ADGRG4: variants seen among roughly 807,000 people sequenced by gnomAD.
ADGRG4 encodes the protein G protein-coupled receptor 112.
In ADGRG4, 122 loss-of-function variants were observed where a neutral mutation model predicts 126.2. The observed-to-expected ratio is 0.97, with a 90% CI of 0.83 to 1.12. The LOEUF (loss-of-function observed/expected upper bound fraction) is 1.12, where lower values mean the gene tolerates loss of function less well. Ranked by LOEUF, ADGRG4 falls within the 50% of genes most tolerant of loss-of-function variation. The pLI, the probability that ADGRG4 is intolerant of heterozygous loss-of-function variation, is 0.00. For synonymous variants in ADGRG4, 943 were observed against 838.7 expected (o/e 1.12, Z -2.15); for missense variants, 2,481 against 2,251.8 (o/e 1.10, Z -2.06).
At chrX:136,416,335 T>G in intron 25 of ADGRG4, 119 bp from the exon 26 acceptor site, 1 of 526,046 alleles carries the variant, frequency 1.9e-6, no homozygotes, top group Non-Finnish European at 3.2e-6. Flanking sequence ...CACCATATCC[T>G]TCCCTTCTCT....
chrX:136,415,704 T>C (rs1439436824), intron 25 of ADGRG4, among the ~76,000 whole-genome samples: 1 of 111,714 alleles, frequency 9.0e-6, no homozygotes, highest in African/African-American at 3.3e-5. Context: ...TAGTAGATAA[T>C]AGTTGGGGCT....
chrX:136,316,961 A>G (rs1317994613), intron 4 of ADGRG4, among the ~76,000 whole-genome samples: 1 of 111,005 alleles, frequency 9.0e-6, no homozygotes, highest in Admixed American at 9.6e-5. Context: ...ACAGCACTCC[A>G]TCTGCCCACC....
At chrX:136,407,749 G>C (rs1355798946) in intron 23 of ADGRG4, among the ~76,000 whole-genome samples, 1 of 111,743 alleles carries the variant, frequency 8.9e-6, no homozygotes, top group East Asian at 2.8e-4. Context: ...TACCATCCTC[G>C]CTTGGTTCCC....
chrX:136,351,036 A>G (rs1469769911), intron 6 of ADGRG4, among the ~76,000 whole-genome samples: 1 of 111,736 alleles, frequency 8.9e-6, no homozygotes, highest in Non-Finnish European at 1.9e-5. Flanking sequence ...AGCAAAAGGG[A>G]AAAAAGGAGA....
chrX:136,382,554 AC>A (rs2075269693), intron 15 of ADGRG4, among the ~76,000 whole-genome samples: 1 of 111,240 alleles, frequency 9.0e-6, no homozygotes, highest in African/African-American at 3.3e-5. Flanking sequence ...TGGTGGAGTG[AC>A]CCAAGCCTTC....
At chrX:136,324,966 C>T (rs756594582) in intron 5 of ADGRG4, among the ~76,000 whole-genome samples, 2 of 112,004 alleles carry the variant, frequency 1.8e-5, no homozygotes, top group African/African-American at 6.5e-5. Context: ...CTTGGAATTA[C>T]ACCTGTATTT....
chrX:136,394,047 G>A (rs2075333932), intron 18 of ADGRG4, among the ~76,000 whole-genome samples: 1 of 111,578 alleles, frequency 9.0e-6, no homozygotes, highest in South Asian at 3.8e-4. Context: ...CTCCCACAGG[G>A]TTTTGCAAGA....
intron 23 of ADGRG4, among the ~76,000 whole-genome samples, 157 bp from the exon 24 acceptor site, chrX:136,412,108 T>C (rs2075449167): frequency 8.9e-6 from 1 of 112,410 alleles, no homozygotes. Flanking sequence ...TTTTTGCCTT[T>C]GGGAGGGAGT....
Position 136,331,651 on chromosome X carries a change from T to A in ADGRG4, c.685+8259T>A, listed in dbSNP as rs142016938. Among the ~76,000 whole-genome samples, 50 of 111,627 alleles carry A rather than the reference T, an allele frequency of 4.5e-4. No homozygotes were observed. The East Asian group carries it at 0.013, about 30-fold the overall frequency. Reference sequence around the variant, plus strand: ...AGTGATATTTTATTGTGCTTTCAATTTGCATTACCCTGATGCTTCATGATG... The same window carrying A: ...AGTGATATTTTATTGTGCTTTCAATATGCATTACCCTGATGCTTCATGATG... On this transcript the variant is annotated intron_variant, in intron 5 of 25. Transcript: ENST00000394143.
In ADGRG4 at chrX:136,323,322, A is replaced by T. The variant is rs1474333372; in HGVS notation, c.615A>T (p.Ile205=). 3 of 1,209,890 alleles carry T rather than the reference A, an allele frequency of 2.5e-6. No homozygotes were observed. Residue 205 remains isoleucine (I), a synonymous_variant, in exon 5 of 26, where the codon ATA becomes ATT. Transcript: ENST00000394143. ...TTATGAAGTGTTTAGATGGAAATATAGTTAGTTGGGAAGAAGACGTCTGGC... is the reference window on the plus strand; with the variant it reads ...TTATGAAGTGTTTAGATGGAAATATTGTTAGTTGGGAAGAAGACGTCTGGC... ...EEFMKCLDGN[I]VSWEEDVWLV... is the part of the protein sequence containing the mutation.
intron 8 of ADGRG4, 102 bp downstream of exon 8, chrX:136,353,503 G>C: frequency 3.6e-6 from 2 of 559,232 alleles, no homozygotes. Context: ...TGAGATTTAG[G>C]GCTGCCACAT....
intron 16 of ADGRG4, among the ~76,000 whole-genome samples, chrX:136,389,743 T>G (rs772649018): frequency 4.5e-5 from 5 of 112,038 alleles, no homozygotes; most frequent in Non-Finnish European, 9.4e-5. Context: ...TCCTACTGTG[T>G]GTCTTGTACG....
At chrX:136,351,330 G>T in intron 6 of ADGRG4, 117 bp from the exon 7 acceptor site, 1 of 363,875 alleles carries the variant, frequency 2.7e-6, no homozygotes, top group Non-Finnish European at 4.7e-6. Flanking sequence ...CTAAGTTTAG[G>T]CATGAGACGT....
At chrX:136,404,442 T>TA (rs2148499453) in intron 22 of ADGRG4, among the ~76,000 whole-genome samples, 1 of 112,162 alleles carries the variant, frequency 8.9e-6, no homozygotes, top group African/African-American at 3.2e-5. Context: ...TAGTTTTTTT[T>TA]CAAATTATAT....
intron 5 of ADGRG4, among the ~76,000 whole-genome samples, chrX:136,331,794 T>C (rs139506259): frequency 0.014 from 1,528 of 110,114 alleles, 12 homozygotes; most frequent in Middle Eastern, 0.055. Context: ...TTGTTGAGTT[T>C]TGAAAGTAAA....
chrX:136,387,751 C>T lies in ADGRG4; in HGVS notation c.7788C>T (p.Gly2596=). 8.3e-7 allele frequency: 1 copy of T among 1,206,469 alleles called. No homozygotes were observed. Residue 2596 remains glycine (G), a synonymous_variant, in exon 16 of 26, where the codon GGC becomes GGT. Transcript: ENST00000394143. ...GCTTTTCTTGGCAGATTTTCCTAGG[C>T]AATGTCCCTGTGGGAGGGATTTTGG... ...EEGTDPEIFL[G]NVPVGGILAS...
At chrX:136,358,088 T>C (rs1314550853) in intron 10 of ADGRG4, among the ~76,000 whole-genome samples, 1 of 111,423 alleles carries the variant, frequency 9.0e-6, no homozygotes, top group East Asian at 2.8e-4. Context: ...AACAACAACA[T>C]GGAAAGTAGC....
At chrX:136,310,528 C>A (rs934238076) in intron 4 of ADGRG4, among the ~76,000 whole-genome samples, 5 of 111,171 alleles carry the variant, frequency 4.5e-5, no homozygotes, top group African/African-American at 1.6e-4. Flanking sequence ...AGACCCTGTC[C>A]TTGGAAACAA....
intron 7 of ADGRG4, among the ~76,000 whole-genome samples, chrX:136,352,491 T>A (rs181835682): frequency 9.1e-6 from 1 of 109,619 alleles, no homozygotes; most frequent in Admixed American, 9.8e-5. Context: ...CATGGCGAGA[T>A]CTTGTTTTCT....
Sources: allele counts gnomAD v4.1 joint callset (sites outside exome capture counted in the v4.1 genomes callset), GRCh38; gene constraint gnomAD v4.1.1; transcripts MANE v1.5; gene names NCBI Gene and HGNC (gene_info 2026-07-23, HGNC 2026-07-21).